Variants in EFCAB8 observed in about 807,000 individuals in gnomAD.
EFCAB8 encodes EF-hand calcium-binding domain-containing protein 8.
In EFCAB8, 100 loss-of-function variants were observed where a neutral mutation model predicts 116.3. The ratio of observed to expected loss-of-function variants is 0.86; its 90% confidence interval spans 0.73 to 1.02. The LOEUF is 1.02. Ranked by LOEUF, EFCAB8 falls within the 50% of genes least tolerant of loss-of-function variation. The pLI is 0.00. For missense variants in EFCAB8, 1,320 were observed against 1,416.9 expected, an observed-to-expected ratio of 0.93 and a Z score of 1.10; for synonymous variants, 558 against 567.9, an observed-to-expected ratio of 0.98 and a Z score of 0.25.
intron 11 of EFCAB8, among the ~76,000 whole-genome samples, chr20:32,900,608 C>A (rs1282732184): frequency 1.3e-5 from 2 of 152,046 alleles, no homozygotes; most frequent in Non-Finnish European, 2.9e-5. Context: ...CACTGTGTTG[C>A]CAAGCTGGAG....
At chr20:32,926,356 T>A (rs1005205890) in intron 20 of EFCAB8, among the ~76,000 whole-genome samples, 2 of 152,160 alleles carry the variant, frequency 1.3e-5, no homozygotes, top group Non-Finnish European at 2.9e-5. Context: ...TGTGTGCACG[T>A]TAAATTTTTT....
At chr20:32,955,576 T>TA (rs1240847836) in intron 23 of EFCAB8, among the ~76,000 whole-genome samples, 8 of 152,100 alleles carry the variant, frequency 5.3e-5, no homozygotes, top group Admixed American at 3.3e-4. Context: ...ACAAATTATC[T>TA]AAAAAACATG....
In EFCAB8 at chr20:32,948,585, G is replaced by A. The variant is rs563982771; in HGVS notation, c.2959+4781G>A. Among the ~76,000 whole-genome samples the A allele has an allele frequency of 6.9e-5, 10 of 145,300 alleles. No individual in the cohort carries two copies. The East Asian group carries it at 8.3e-4, about 12-fold the overall frequency. Reference sequence around the variant, plus strand: ...GAAAGAAAGAAAGAAAGAAAGAAAAGAAAGGAAAAGAAAGCAAACTATCAA... The same window carrying A: ...GAAAGAAAGAAAGAAAGAAAGAAAAAAAAGGAAAAGAAAGCAAACTATCAA... On this transcript the variant is annotated intron_variant, in intron 23 of 26. Transcript: ENST00000400522.
intron 23 of EFCAB8, among the ~76,000 whole-genome samples, chr20:32,955,732 G>T (rs1396706379): frequency 2.0e-5 from 3 of 152,086 alleles, no homozygotes; most frequent in Non-Finnish European, 4.4e-5. Flanking sequence ...CTGAGCGAGG[G>T]TATAGGTGGC....
Position 32,959,815 on chromosome 20 carries a change from C to A in EFCAB8, c.3127C>A (p.Arg1043=). The A allele has an allele frequency of 6.6e-7, 1 of 1,526,162 alleles. No homozygotes were observed. Among genetic ancestry groups the A allele is most frequent in the African/African-American group, 1.4e-5 (1 of 72,570 alleles). The allele number at this position is 1,526,162 out of a possible 1,614,324, so 94.5% of individuals were successfully genotyped here. A position where few individuals can be genotyped will look rare whatever the true frequency, so the allele number is the denominator to read the frequency against. Residue 1043 remains arginine (R), a synonymous_variant, in exon 25 of 27, where the codon CGG becomes AGG. Coordinates refer to ENST00000400522, the MANE Select transcript of EFCAB8 (RefSeq NM_001143967.2). ...TCTGGCTGAGGCCCTGATATACCAG[C>A]GGCGAGAGCAGGCGGCGCTGATGGC... is the stretch of plus-strand genomic sequence containing the variant. ...RDLAEALIYQ[R]REQAALMALL... is the part of the protein sequence containing the mutation.
At chr20:32,886,410 G>C (rs1259582761) in intron 6 of EFCAB8, among the ~76,000 whole-genome samples, 1 of 152,170 alleles carries the variant, frequency 6.6e-6, no homozygotes, top group African/African-American at 2.4e-5. Context: ...CAGCAGACGA[G>C]GAAAGCACTG....
intron 22 of EFCAB8, among the ~76,000 whole-genome samples, chr20:32,939,091 C>T (rs1479000005): frequency 8.6e-6 from 1 of 115,630 alleles, no homozygotes; most frequent in Non-Finnish European, 1.7e-5. Flanking sequence ...TTTCTTTTTT[C>T]TTTTCCTTCC....
intron 1 of EFCAB8, among the ~76,000 whole-genome samples, chr20:32,860,820 C>T (rs764733404): frequency 2.0e-5 from 3 of 152,060 alleles, no homozygotes; most frequent in Non-Finnish European, 4.4e-5. Flanking sequence ...TTCACTACGG[C>T]CTCAAACTTC....
intron 20 of EFCAB8, among the ~76,000 whole-genome samples, chr20:32,924,971 A>T (rs1037856791): frequency 3.9e-5 from 6 of 152,060 alleles, no homozygotes; most frequent in African/African-American, 1.4e-4. Flanking sequence ...GGTGCCCTGG[A>T]GAGGGTCCAG....
At position 32,941,285 on chromosome 20, in the gene EFCAB8, G is replaced by A. The variant is rs1318588803; in HGVS notation, c.2791-2351G>A. 4.7e-5 allele frequency among the ~76,000 whole-genome samples: 7 copies of A among 147,634 alleles called. No homozygotes were observed. The East Asian group carries it at 1.4e-3, about 29-fold the overall frequency. ...AAAAAAAAAAAAGAAAAAGAACATA[G>A]AAAGCTGCAGTCACTTTGGAAAACA... On this transcript the variant is annotated intron_variant, in intron 22 of 26. Coordinates refer to ENST00000400522, the MANE Select transcript of EFCAB8 (RefSeq NM_001143967.2).
Position 32,889,477 on chromosome 20 carries a change from C to G in EFCAB8, c.673+71C>G, listed in dbSNP as rs574074626. The G allele has an allele frequency of 1.6e-5, 23 of 1,441,776 alleles. No homozygotes were observed. The African/African-American group carries it at 2.8e-4, about 18-fold the overall frequency. The allele number at this position is 1,441,776 out of a possible 1,614,324, so 89.3% of individuals were successfully genotyped here. On this transcript the variant is annotated intron_variant, in intron 7 of 26. Transcript: ENST00000400522. Reference sequence around the variant, plus strand: ...CCATGCATTTGTGCCTGGGAGAAGTCTGTTGGCTGAGCAACTGTGAACATG... The same window carrying G: ...CCATGCATTTGTGCCTGGGAGAAGTGTGTTGGCTGAGCAACTGTGAACATG...
intron 1 of EFCAB8, 69 bp downstream of exon 1, chr20:32,859,075 G>C: frequency 2.1e-6 from 1 of 470,292 alleles, no homozygotes; most frequent in South Asian, 1.6e-5. Flanking sequence ...ACCTCTGCCT[G>C]ACCTCCAAGG....
chr20:32,939,415 T>C (rs919642474), intron 22 of EFCAB8, among the ~76,000 whole-genome samples: 2 of 146,204 alleles, frequency 1.4e-5, no homozygotes, highest in Non-Finnish European at 3.0e-5. Flanking sequence ...CCCAAGTAGC[T>C]GGGACTACAG....
intron 6 of EFCAB8, among the ~76,000 whole-genome samples, chr20:32,887,916 G>C (rs776721207): frequency 2.0e-5 from 3 of 152,204 alleles, no homozygotes; most frequent in Non-Finnish European, 4.4e-5. Context: ...GACATCTGCA[G>C]ATGGAAAATA....
intron 1 of EFCAB8, among the ~76,000 whole-genome samples, chr20:32,863,093 G>C (rs933751981): frequency 6.6e-6 from 1 of 151,668 alleles, no homozygotes; most frequent in African/African-American, 2.4e-5. Flanking sequence ...AGCTGGCTCA[G>C]TTGGTCTGCC....
chr20:32,860,299 C>G (rs574433248), intron 1 of EFCAB8, among the ~76,000 whole-genome samples: 15 of 150,034 alleles, frequency 1.0e-4, no homozygotes, highest in Non-Finnish European at 1.9e-4. Context: ...GAGTGAGACT[C>G]TCAAAAATAA....
intron 23 of EFCAB8, among the ~76,000 whole-genome samples, chr20:32,944,079 A>C (rs917320823): frequency 2.8e-4 from 43 of 152,318 alleles, no homozygotes; most frequent in African/African-American, 9.4e-4. Flanking sequence ...AATAAACTTA[A>C]TTGTTGCATT....
intron 16 of EFCAB8, 122 bp downstream of exon 16, chr20:32,911,829 G>C: frequency 3.0e-6 from 3 of 1,010,444 alleles, no homozygotes; most frequent in Non-Finnish European, 4.5e-6. Context: ...ATAGTCAGGT[G>C]GCCTGGCTTC....
chr20:32,938,349 A>T (rs1406283896), intron 22 of EFCAB8, among the ~76,000 whole-genome samples: 1 of 150,086 alleles, frequency 6.7e-6, no homozygotes, highest in East Asian at 1.9e-4. Context: ...CAGGTAGCAT[A>T]AAACTTCATG....
Sources: allele counts gnomAD v4.1 joint callset (sites outside exome capture counted in the v4.1 genomes callset), GRCh38; gene constraint gnomAD v4.1.1; transcripts MANE v1.5; gene names NCBI Gene and HGNC (gene_info 2026-07-23, HGNC 2026-07-21).